Variants in KDM5B observed in about 807,000 individuals in gnomAD.
KDM5B encodes the protein lysine-specific demethylase 5B.
Under a neutral mutation model 193.4 loss-of-function variants are expected in KDM5B, and 144 were observed. The ratio of observed to expected loss-of-function variants is 0.74; its 90% CI spans 0.65 to 0.86. The LOEUF (loss-of-function observed/expected upper bound fraction) is 0.86, where lower values mean the gene tolerates loss of function less well. KDM5B is among the 40% of genes least tolerant of loss of function. The pLI is 0.00. For synonymous variants in KDM5B, 668 were observed against 682.6 expected, an observed-to-expected ratio of 0.98 and a Z score of 0.33; for missense variants, 1,833 against 1,886.9, an observed-to-expected ratio of 0.97 and a Z score of 0.53.
chr1:202,742,547 A>G, intron 17 of KDM5B, 42 bp from the exon 18 acceptor site: 1 of 1,600,630 alleles, frequency 6.2e-7, no homozygotes, highest in Non-Finnish European at 8.6e-7. Flanking sequence ...AAGAATACAT[A>G]CATGTCCACC....
intron 1 of KDM5B, among the ~76,000 whole-genome samples, chr1:202,795,092 T>C (rs1657786624): frequency 6.6e-6 from 1 of 151,914 alleles, no homozygotes; most frequent in African/African-American, 2.4e-5. Flanking sequence ...CAGGTGCCTG[T>C]AGTCTCAGCT....
At chr1:202,746,082 T>C in intron 15 of KDM5B, 60 bp downstream of exon 15, 1 of 1,579,232 alleles carries the variant, frequency 6.3e-7, no homozygotes, top group Non-Finnish European at 8.7e-7. Context: ...GCGGTATCAT[T>C]GAGCTTTTAG....
intron 1 of KDM5B, among the ~76,000 whole-genome samples, chr1:202,799,855 A>G (rs1658003504): frequency 6.6e-6 from 1 of 152,208 alleles, no homozygotes; most frequent in African/African-American, 2.4e-5. Flanking sequence ...GCCTGGTGGC[A>G]TCTCCTATCT....
chr1:202,750,713 A>C lies in KDM5B; in HGVS notation c.1767T>G (p.Gly589=). The change falls in exon 13 of 27, where the codon GGT becomes GGG. Residue 589 remains glycine, a synonymous_variant. Coordinates refer to ENST00000367265, the MANE Select transcript of KDM5B (RefSeq NM_006618.5). The part of the protein sequence containing the change: ...VITFPRAYHS[G]FNQGFNFAEA... Reference sequence around the variant, plus strand: ...CAGCAAAATTAAAACCCTGGTTAAAACCACTGTGGTAGGCTCTTGGAAATG... The same window carrying C: ...CAGCAAAATTAAAACCCTGGTTAAACCCACTGTGGTAGGCTCTTGGAAATG... 6.2e-7 allele frequency: 1 copy of C among 1,613,992 alleles called. No homozygotes were observed. The highest frequency in any genetic ancestry group is 8.5e-7 in the Non-Finnish European group (1 of 1,179,874).
chr1:202,772,990 C>T, intron 4 of KDM5B, 128 bp downstream of exon 4: 1 of 669,390 alleles, frequency 1.5e-6, no homozygotes, highest in Non-Finnish European at 2.5e-6. Flanking sequence ...AGCCACCGCG[C>T]CCCACCAAAA....
rs186403479 is a variant in KDM5B at position 202,765,252 on chromosome 1, C to T, written c.712-1107G>A. 1.8e-3 allele frequency among the ~76,000 whole-genome samples: 267 copies of T among 152,194 alleles called. 1 individual carries two copies. Among genetic ancestry groups the T allele is most frequent in the African/African-American group, 6.2e-3 (256 of 41,550 alleles). ...ATTATTATAAACTACACACTTCTAACATCACTAAACTATTAAGGGCTCCTT... is the reference window on the plus strand; with the variant it reads ...ATTATTATAAACTACACACTTCTAATATCACTAAACTATTAAGGGCTCCTT... On this transcript the variant is annotated intron_variant, in intron 5 of 26. Coordinates refer to ENST00000367265, the MANE Select transcript of KDM5B (RefSeq NM_006618.5).
chr1:202,804,963 C>T (rs1388203444), intron 1 of KDM5B, among the ~76,000 whole-genome samples: 1 of 151,788 alleles, frequency 6.6e-6, no homozygotes, highest in Non-Finnish European at 1.5e-5. Context: ...TAAATATATT[C>T]CTATCAAAAT....
At chr1:202,743,561 A>G (rs1284660811) in intron 16 of KDM5B, among the ~76,000 whole-genome samples, 2 of 152,258 alleles carry the variant, frequency 1.3e-5, no homozygotes, top group East Asian at 3.9e-4. Context: ...CCTAAATAAA[A>G]GCGGGTGGAG....
At chr1:202,760,333 TA>T in intron 8 of KDM5B, 81 bp downstream of exon 8, 2 of 960,806 alleles carry the variant, frequency 2.1e-6, no homozygotes, top group Non-Finnish European at 3.0e-6. Flanking sequence ...TAAAATAAAA[TA>T]AAATAAAAAA....
chr1:202,740,592 C>T, intron 20 of KDM5B, 82 bp downstream of exon 20: 1 of 1,360,674 alleles, frequency 7.3e-7, no homozygotes, highest in Non-Finnish European at 9.9e-7. Flanking sequence ...GGCTGACCCC[C>T]CCACCTCCCT....
At chr1:202,795,053 A>C (rs1657784410) in intron 1 of KDM5B, among the ~76,000 whole-genome samples, 1 of 151,640 alleles carries the variant, frequency 6.6e-6, no homozygotes, top group Admixed American at 6.6e-5. Flanking sequence ...AACTCTACTA[A>C]AAATACAAAA....
In KDM5B at chr1:202,760,561, C is replaced by T; in HGVS notation, c.931G>A (p.Val311Ile). ...TTGCCACTGCCACATAAAAGACAGACATACAGGTCCACCTGTAGCAATAAA... is the reference window on the plus strand; with the variant it reads ...TTGCCACTGCCACATAAAAGACAGATATACAGGTCCACCTGTAGCAATAAA... ...KKATNAVDLY[V>I]CLLCGSGNDE... The change falls in exon 8 of 27, where the codon GTC (valine) becomes ATC (isoleucine). Residue 311 changes from valine (V) to isoleucine (I), a missense_variant. Transcript: ENST00000367265. 1 of 1,611,102 alleles carries T rather than the reference C, an allele frequency of 6.2e-7. No homozygotes were observed. Among genetic ancestry groups the T allele is most frequent in the South Asian group, 1.1e-5 (1 of 90,616 alleles).
intron 1 of KDM5B, among the ~76,000 whole-genome samples, chr1:202,797,814 A>C (rs1436464985): frequency 6.6e-6 from 1 of 152,282 alleles, no homozygotes; most frequent in East Asian, 1.9e-4. Flanking sequence ...CATGCACTAC[A>C]TAAGACACAC....
chr1:202,733,817 C>T lies in KDM5B; in HGVS notation c.3493G>A (p.Gly1165Arg), dbSNP rs1267036828. The T allele has an allele frequency of 3.1e-6, 5 of 1,614,126 alleles. No individual in the cohort carries two copies. In the Admixed American group the frequency reaches 8.3e-5, roughly 27 times the overall value. Residue 1165 changes from glycine (G) to arginine (R), a missense_variant, in exon 23 of 27, where the codon GGG (glycine) becomes AGG (arginine). Gly to Arg is a moderately radical substitution (Grantham distance 125, BLOSUM62 -2). This residue lies in a region of KDM5B where 1,379 missense variants were observed against 1,349.6 expected (regional missense o/e 1.02). Coordinates refer to ENST00000367265, the MANE Select transcript of KDM5B (RefSeq NM_006618.5). The part of the protein sequence containing the change: ...ALQSLRLANE[G>R]KLLSPLQDVD... ...TCTTGGAGAGGCGACAGCAATTTCC[C>T]TTCATTGGCGAGTCTGAGAGACTGC...
intron 1 of KDM5B, among the ~76,000 whole-genome samples, chr1:202,793,446 G>C (rs960655095): frequency 2.0e-5 from 3 of 152,178 alleles, no homozygotes; most frequent in Admixed American, 6.5e-5. Flanking sequence ...GGCTCCACCA[G>C]GATTTGGGCT....
chr1:202,767,224 C>T (rs1656505694), intron 4 of KDM5B, 164 bp from the exon 5 acceptor site: 1 of 1,575,226 alleles, frequency 6.3e-7, no homozygotes, highest in African/African-American at 1.4e-5. Flanking sequence ...GGAACTGAAA[C>T]ACCCTTATGT....
At chr1:202,748,509 T>TA (rs1356948620) in intron 14 of KDM5B, among the ~76,000 whole-genome samples, 15 of 124,190 alleles carry the variant, frequency 1.2e-4, no homozygotes, top group Non-Finnish European at 2.1e-4. Context: ...CCTATCTGAT[T>TA]TAAAAAAAAA....
chr1:202,771,782 A>G (rs963321338), intron 4 of KDM5B, among the ~76,000 whole-genome samples: 2 of 151,340 alleles, frequency 1.3e-5, no homozygotes, highest in Non-Finnish European at 2.9e-5. Context: ...GGGTTTCACC[A>G]TGTTGGCCAG....
At chr1:202,759,846 ATG>A (rs1304321522) in intron 8 of KDM5B, among the ~76,000 whole-genome samples, 2 of 152,236 alleles carry the variant, frequency 1.3e-5, no homozygotes, top group African/African-American at 4.8e-5. Flanking sequence ...TGCAAAGAGC[ATG>A]TGATGCTTTT....
Sources: allele counts gnomAD v4.1 joint callset (sites outside exome capture counted in the v4.1 genomes callset), GRCh38; gene constraint gnomAD v4.1.1; regional missense constraint gnomAD v4.1.1; transcripts MANE v1.5; gene names NCBI Gene and HGNC (gene_info 2026-07-23, HGNC 2026-07-21).